The following TET1 variants were observed in gnomAD, a reference collection of about 807,000 sequenced individuals.
The protein encoded by TET1 is tet methylcytosine dioxygenase 1.
TET1 carries 13 observed loss-of-function variants against 148.7 expected under a neutral mutation model. The observed-to-expected ratio is 0.09, with a 90% CI of 0.06 to 0.14. The LOEUF (loss-of-function observed/expected upper bound fraction) is 0.14, where lower values mean the gene tolerates loss of function less well. TET1 is among the 10% of genes least tolerant of loss of function. TET1 has a pLI of 1.00. For missense variants in TET1, 2,182 were observed against 2,553.8 expected (o/e 0.85, Z 3.14); for synonymous variants, 907 against 937.2 (o/e 0.97, Z 0.59).
intron 7 of TET1, among the ~76,000 whole-genome samples, chr10:68,669,978 C>T (rs1424052774): frequency 6.6e-6 from 1 of 152,138 alleles, no homozygotes; most frequent in Non-Finnish European, 1.5e-5. Flanking sequence ...TTAGATTCCA[C>T]AATTGTTAAC....
At chr10:68,581,808 G>T (rs984890089) in intron 2 of TET1, among the ~76,000 whole-genome samples, 2 of 151,274 alleles carry the variant, frequency 1.3e-5, no homozygotes, top group African/African-American at 4.9e-5. Flanking sequence ...TCACACTACA[G>T]CCTGGGCGAC....
At chr10:68,574,943 T>C (rs1343343954) in intron 2 of TET1, among the ~76,000 whole-genome samples, 4 of 152,230 alleles carry the variant, frequency 2.6e-5, no homozygotes, top group Admixed American at 2.0e-4. Flanking sequence ...TTAAAAACTT[T>C]TAGGGAGCTT....
rs149706152 is a variant in TET1, at chr10:68,662,036, G to A, written c.4462-5009G>A. 8.6e-5 allele frequency among the ~76,000 whole-genome samples: 13 copies of A among 151,926 alleles called. No individual in the cohort carries two copies. The East Asian group carries it at 1.9e-3, about 23-fold the overall frequency. ...AACTACAAGTTGCACCACCACACTC[G>A]TCTAACTTTTGTATTTTTAATAGAG... On this transcript the variant is annotated intron_variant, in intron 6 of 11. Coordinates refer to ENST00000373644, the MANE Select transcript of TET1 (RefSeq NM_030625.3).
At chr10:68,638,370 T>C (rs2054686356) in intron 3 of TET1, among the ~76,000 whole-genome samples, 1 of 152,220 alleles carries the variant, frequency 6.6e-6, no homozygotes, top group African/African-American at 2.4e-5. Context: ...TAATACTTTG[T>C]TAATAATTTG....
intron 3 of TET1, among the ~76,000 whole-genome samples, chr10:68,624,660 C>CTTT (rs1462948714): frequency 2.7e-5 from 2 of 74,528 alleles, no homozygotes; most frequent in African/African-American, 1.1e-4. Flanking sequence ...TTCTTTCTTT[C>CTTT]TCTCTCTCTC....
At position 68,691,644 on chromosome 10, in the gene TET1, T is replaced by C; in HGVS notation, c.6241T>C (p.Ser2081Pro). The change falls in exon 12 of 12, where the codon TCA becomes CCA. Residue 2081 changes from serine to proline, a missense_variant. Coordinates refer to ENST00000373644, the MANE Select transcript of TET1 (RefSeq NM_030625.3). This position sits in a 1 kb window ranked among gnomAD's most constrained non-coding sequence, Gnocchi z 4.4. ...KEAKNKKMKA[S>P]EQKDQAANEG... ...AGCTAAGAATAAGAAAATGAAGGCC[T>C]CAGAGCAAAAAGACCAGGCAGCTAA... The C allele has an allele frequency of 6.2e-7, 1 of 1,614,188 alleles. No individual in the cohort carries two copies. Among genetic ancestry groups the C allele is most frequent in the Non-Finnish European group, 8.5e-7 (1 of 1,180,026 alleles).
chr10:68,675,216 A>G (rs1189306146), intron 8 of TET1: 1 of 240,218 alleles, frequency 4.2e-6, no homozygotes, highest in Non-Finnish European at 7.9e-6. Context: ...GAAAATGCAT[A>G]TTATGAATAA....
At chr10:68,565,102 G>T (rs1165694611) in intron 1 of TET1, among the ~76,000 whole-genome samples, 3 of 152,092 alleles carry the variant, frequency 2.0e-5, no homozygotes, top group Non-Finnish European at 4.4e-5. Flanking sequence ...GTAGAATTAG[G>T]GAAGAGTGTA....
At chr10:68,669,841 T>C (rs2055249423) in intron 7 of TET1, among the ~76,000 whole-genome samples, 1 of 152,030 alleles carries the variant, frequency 6.6e-6, no homozygotes, top group African/African-American at 2.4e-5. Flanking sequence ...GTTGTTGTAT[T>C]TTTAGTAGAG....
intron 9 of TET1, 66 bp from the exon 10 acceptor site, chr10:68,682,770 C>T: frequency 6.7e-7 from 1 of 1,502,298 alleles, no homozygotes; most frequent in Non-Finnish European, 9.0e-7. Context: ...ATTATTTTTA[C>T]TCTTTACTGA....
Position 68,667,140 on chromosome 10 carries a change from C to G in TET1, c.4557C>G (p.Ile1519Met). The change falls in exon 7 of 12, where the codon ATC (isoleucine) becomes ATG (methionine). Residue 1519 changes from isoleucine (I) to methionine (M), a missense_variant. Transcript: ENST00000373644. ...HCPTAVMVVL[I>M]MVWDGIPLPM... ...CAACTGCTGTGATGGTGGTGCTCAT[C>G]ATGGTGTGGGATGGCATCCCTCTTC... 1 of 1,614,160 alleles carries G rather than the reference C, an allele frequency of 6.2e-7. No homozygotes were observed. The highest frequency in any genetic ancestry group is 8.5e-7 in the Non-Finnish European group (1 of 1,180,032).
chr10:68,649,390 G>A (rs1378244321), intron 4 of TET1, among the ~76,000 whole-genome samples: 8 of 152,084 alleles, frequency 5.3e-5, no homozygotes, highest in Admixed American at 3.9e-4. Context: ...GGCAGATCAC[G>A]AGGTCAGGAG....
chr10:68,624,817 CG>C (rs1177900678), intron 3 of TET1, among the ~76,000 whole-genome samples: 2 of 148,566 alleles, frequency 1.3e-5, no homozygotes, highest in Non-Finnish European at 1.5e-5. Context: ...CTGCAAGCTC[CG>C]CCTTCCGGGT....
At chr10:68,576,560 G>C (rs749296863) in intron 2 of TET1, among the ~76,000 whole-genome samples, 4 of 152,024 alleles carry the variant, frequency 2.6e-5, no homozygotes, top group Non-Finnish European at 4.4e-5. Context: ...TACTTGGGAG[G>C]CTGCAGTGAG....
At chr10:68,651,534 T>C (rs540619366) in intron 4 of TET1, among the ~76,000 whole-genome samples, 2 of 151,550 alleles carry the variant, frequency 1.3e-5, no homozygotes, top group African/African-American at 4.8e-5. Flanking sequence ...CTTTTAGTAT[T>C]ACACCTCAAT....
At chr10:68,594,411 A>G (rs908705107) in intron 2 of TET1, among the ~76,000 whole-genome samples, 7 of 152,090 alleles carry the variant, frequency 4.6e-5, no homozygotes, top group African/African-American at 1.7e-4. Flanking sequence ...TTTTTCCTCA[A>G]TTCTTGCTTT....
rs1411381799 is a variant in TET1, at chr10:68,584,590, TC to T, written c.1914+10341del. Reference sequence around the variant, plus strand: ...CAGGCGTGGTGGCATGCACCTGTAATCCCAGCTATGAGGGAGGCTGAGGCAG... The same window carrying T: ...CAGGCGTGGTGGCATGCACCTGTAATCCAGCTATGAGGGAGGCTGAGGCAG... On this transcript the variant is annotated intron_variant, in intron 2 of 11. Transcript: ENST00000373644. Among the ~76,000 whole-genome samples, 543 of 150,242 alleles carry T rather than the reference TC, an allele frequency of 3.6e-3. 2 individuals carry two copies. Among genetic ancestry groups the T allele is most frequent in the African/African-American group, 0.013 (526 of 41,056 alleles).
chr10:68,686,091 A>G (rs2055504701), intron 10 of TET1, among the ~76,000 whole-genome samples: 1 of 152,200 alleles, frequency 6.6e-6, no homozygotes, highest in South Asian at 2.1e-4. Context: ...TTTAGTATCA[A>G]AAATACGTAA....
Position 68,645,058 on chromosome 10 carries a change from T to C in TET1, c.2329T>C (p.Phe777Leu). 3 of 1,612,870 alleles carry C rather than the reference T, an allele frequency of 1.9e-6. No individual in the cohort carries two copies. Among genetic ancestry groups the C allele is most frequent in the Non-Finnish European group, 2.5e-6 (3 of 1,179,724 alleles). The stretch of plus-strand genomic sequence containing the variant: ...TGAAACAAATGTTTCATTTAAAAAA[T>C]TCAATATTGAAGAATTCGGCAAGAC... ...PAETNVSFKK[F>L]NIEEFGKTLE... is the part of the protein sequence containing the mutation. Residue 777 changes from phenylalanine (F) to leucine (L), a missense_variant, in exon 4 of 12, where the codon TTC (phenylalanine) becomes CTC (leucine). Transcript: ENST00000373644.
Sources: allele counts gnomAD v4.1 joint callset (sites outside exome capture counted in the v4.1 genomes callset), GRCh38; gene constraint gnomAD v4.1.1; non-coding constraint Gnocchi (gnomAD v3.1); transcripts MANE v1.5; gene names NCBI Gene and HGNC (gene_info 2026-07-23, HGNC 2026-07-21).